The following RORA variants were observed in gnomAD, a reference collection of about 807,000 sequenced individuals.
The protein encoded by RORA is RAR related orphan receptor A, also known as nuclear receptor ROR-alpha.
In RORA, 7 loss-of-function variants were observed where a neutral mutation model predicts 69.5. That is an observed-to-expected ratio of 0.10 (90% CI 0.06 to 0.19). The LOEUF (loss-of-function observed/expected upper bound fraction) is 0.19. Among genes scored for constraint, RORA ranks in the 10% least tolerant of loss-of-function variants. RORA has a pLI of 1.00. For synonymous variants in RORA, 261 were observed against 240.8 expected (o/e 1.08, Z -0.78); for missense variants, 457 against 663.0 (o/e 0.69, Z 3.41).
chr15:61,191,834 T>C (rs2079803199), intron 1 of RORA, among the ~76,000 whole-genome samples: 1 of 152,254 alleles, frequency 6.6e-6, no homozygotes, highest in South Asian at 2.1e-4. Context: ...GAAAATCTGA[T>C]GGTTTATAAA....
intron 1 of RORA, among the ~76,000 whole-genome samples, chr15:60,726,639 C>T (rs2071360449): frequency 6.6e-6 from 1 of 152,356 alleles, no homozygotes; most frequent in East Asian, 1.9e-4. Context: ...GCCCCGCCTA[C>T]AGCCTCGTCT....
intron 2 of RORA, among the ~76,000 whole-genome samples, chr15:60,611,065 G>C (rs1016286758): frequency 1.2e-4 from 19 of 152,154 alleles, no homozygotes; most frequent in Non-Finnish European, 2.8e-4. Flanking sequence ...CAAACAAAGG[G>C]AGAAAGAACG....
intron 1 of RORA, among the ~76,000 whole-genome samples, chr15:61,081,771 G>A (rs1239851876): frequency 7.5e-5 from 11 of 146,452 alleles, no homozygotes; most frequent in Admixed American, 1.4e-4. Context: ...TCACGCCACC[G>A]CACTCCAGCC....
intron 1 of RORA, among the ~76,000 whole-genome samples, chr15:61,095,480 A>C (rs1309674362): frequency 6.6e-6 from 1 of 152,208 alleles, no homozygotes; most frequent in Non-Finnish European, 1.5e-5. Context: ...CATTCAACTA[A>C]ACAAGGTTAA....
chr15:61,080,431 G>A (rs1566978682), intron 1 of RORA, among the ~76,000 whole-genome samples: 1 of 152,118 alleles, frequency 6.6e-6, no homozygotes, highest in Non-Finnish European at 1.5e-5. Context: ...CCCAGCTCCT[G>A]GTACAATAAT....
At chr15:61,051,712 T>A (rs911863056) in intron 1 of RORA, among the ~76,000 whole-genome samples, 2 of 152,118 alleles carry the variant, frequency 1.3e-5, no homozygotes, top group African/African-American at 4.8e-5. Flanking sequence ...AGGACTGGTA[T>A]TTGCTATTTT....
chr15:60,636,304 C>G (rs574463543), intron 2 of RORA, among the ~76,000 whole-genome samples: 3 of 152,112 alleles, frequency 2.0e-5, no homozygotes, highest in Non-Finnish European at 4.4e-5. Flanking sequence ...TGCTTACATT[C>G]CCCTGGCTTT....
chr15:60,556,922 A>G (rs199529458), intron 2 of RORA: 75 of 1,613,218 alleles, frequency 4.6e-5, no homozygotes, highest in Non-Finnish European at 6.2e-5. Context: ...TTCTGCCTCC[A>G]GGAACACTTG....
chr15:60,773,958 T>C (rs2072119370), intron 1 of RORA, among the ~76,000 whole-genome samples: 1 of 152,252 alleles, frequency 6.6e-6, no homozygotes, highest in Non-Finnish European at 1.5e-5. Context: ...ACTGAAATAC[T>C]TCTTTTCTCC....
chr15:60,773,013 G>A (rs1301092398), intron 1 of RORA, among the ~76,000 whole-genome samples: 3 of 152,192 alleles, frequency 2.0e-5, no homozygotes, highest in Admixed American at 2.0e-4. Context: ...TACATAGTTT[G>A]AGTTGCAAGT....
intron 1 of RORA, among the ~76,000 whole-genome samples, chr15:61,008,322 A>G (rs1008889679): frequency 6.6e-6 from 1 of 151,764 alleles, no homozygotes; most frequent in Non-Finnish European, 1.5e-5. Flanking sequence ...GGGACCCAAG[A>G]ATTTACTTTA....
chr15:61,156,403 C>A (rs1361443801), intron 1 of RORA, among the ~76,000 whole-genome samples: 11 of 152,114 alleles, frequency 7.2e-5, no homozygotes, highest in Admixed American at 7.2e-4. Context: ...AAGCAGTTTC[C>A]TTTCTGCCCC....
At chr15:60,860,939 A>G (rs563405300) in intron 1 of RORA, among the ~76,000 whole-genome samples, 1 of 152,266 alleles carries the variant, frequency 6.6e-6, no homozygotes, top group Non-Finnish European at 1.5e-5. Context: ...CTCTCTCCTT[A>G]AGGCCCCTGT....
At chr15:60,500,692 G>A (rs2065304602) in intron 9 of RORA, among the ~76,000 whole-genome samples, 1 of 152,176 alleles carries the variant, frequency 6.6e-6, no homozygotes, top group African/African-American at 2.4e-5. Flanking sequence ...GTATCAGGAG[G>A]TTAATTCTGG....
Position 61,112,449 on chromosome 15 carries a change from G to C in RORA, c.166+116604C>G, listed in dbSNP as rs556273463. ...AAGCAATCTGAAAAGCCTCCCCCAG[G>C]GGGAGTGGCATTTGAGCAAAGCCTA... On this transcript the variant is annotated intron_variant, in intron 1 of 10. Coordinates refer to ENST00000335670, the MANE Select transcript of RORA (RefSeq NM_134261.3). Among the ~76,000 whole-genome samples, 5 of 152,172 alleles carry C rather than the reference G, an allele frequency of 3.3e-5. No individual in the cohort carries two copies. The South Asian group carries it at 1.0e-3, about 32-fold the overall frequency.
chr15:60,706,075 G>A (rs1346405512), intron 1 of RORA, among the ~76,000 whole-genome samples: 1 of 152,152 alleles, frequency 6.6e-6, no homozygotes, highest in Non-Finnish European at 1.5e-5. Flanking sequence ...CTAGATCTGC[G>A]TGACCTCAAA....
At chr15:60,803,546 G>C (rs1167248480) in intron 1 of RORA, among the ~76,000 whole-genome samples, 1 of 152,216 alleles carries the variant, frequency 6.6e-6, no homozygotes, top group South Asian at 2.1e-4. Context: ...AGTGGGTTCA[G>C]AGCCCACAAG....
intron 1 of RORA, among the ~76,000 whole-genome samples, chr15:60,979,555 A>C (rs1023998160): frequency 6.6e-6 from 1 of 152,094 alleles, no homozygotes; most frequent in Non-Finnish European, 1.5e-5. Flanking sequence ...TCCTTGGTTA[A>C]ATTTATTCAT....
intron 1 of RORA, among the ~76,000 whole-genome samples, chr15:60,684,758 C>T (rs986221768): frequency 6.6e-6 from 1 of 152,086 alleles, no homozygotes; most frequent in Non-Finnish European, 1.5e-5. Flanking sequence ...CTTGAATTGG[C>T]CCAACTCATG....
Sources: allele counts gnomAD v4.1 joint callset (sites outside exome capture counted in the v4.1 genomes callset), GRCh38; gene constraint gnomAD v4.1.1; transcripts MANE v1.5; gene names NCBI Gene and HGNC (gene_info 2026-07-23, HGNC 2026-07-21).